The following ADAM12 variants were observed in gnomAD, a reference collection of about 807,000 sequenced individuals.
ADAM12 encodes disintegrin and metalloproteinase domain-containing protein 12.
A neutral mutation model predicts 106.4 loss-of-function variants in ADAM12; 70 were observed. The observed-to-expected ratio is 0.66, with a 90% CI of 0.54 to 0.80. The LOEUF is 0.80. ADAM12 is among the 30% of genes least tolerant of loss of function. The pLI is 0.00. For missense variants in ADAM12, 1,010 were observed against 1,171.9 expected (o/e 0.86, Z 2.02); for synonymous variants, 420 against 433.5 (o/e 0.97, Z 0.39).
chr10:126,031,309 C>T (rs1161130973), intron 21 of ADAM12, among the ~76,000 whole-genome samples: 1 of 152,208 alleles, frequency 6.6e-6, no homozygotes, highest in African/African-American at 2.4e-5. Context: ...GAGCAAGGAC[C>T]TAATCCCCAG....
intron 3 of ADAM12, among the ~76,000 whole-genome samples, chr10:126,185,395 C>T (rs777718129): frequency 2.0e-5 from 3 of 152,082 alleles, no homozygotes; most frequent in Non-Finnish European, 4.4e-5. Context: ...CTTAGAGGGG[C>T]AAATGACAGC....
intron 5 of ADAM12, among the ~76,000 whole-genome samples, chr10:126,119,408 G>C (rs1240629870): frequency 6.6e-6 from 1 of 152,210 alleles, no homozygotes; most frequent in Non-Finnish European, 1.5e-5. Context: ...CAGTGCTTGA[G>C]AGATGGTAGC....
At chr10:126,373,239 C>G (rs1361680445) in intron 1 of ADAM12, among the ~76,000 whole-genome samples, 1 of 152,314 alleles carries the variant, frequency 6.6e-6, no homozygotes, top group East Asian at 1.9e-4. Flanking sequence ...GACTGGAATT[C>G]TGTTGACACC....
intron 3 of ADAM12, among the ~76,000 whole-genome samples, chr10:126,169,077 A>G (rs1957074421): frequency 6.6e-6 from 1 of 151,966 alleles, no homozygotes; most frequent in Non-Finnish European, 1.5e-5. Context: ...AAAGCAAAAA[A>G]CACATTCCTT....
intron 3 of ADAM12, among the ~76,000 whole-genome samples, chr10:126,257,279 T>C (rs1282817073): frequency 6.6e-6 from 1 of 152,224 alleles, no homozygotes; most frequent in East Asian, 1.9e-4. Context: ...ACACCAGGTA[T>C]GCCCAATCCT....
chr10:126,136,169 G>T (rs931976347), intron 4 of ADAM12, among the ~76,000 whole-genome samples: 1 of 152,140 alleles, frequency 6.6e-6, no homozygotes, highest in African/African-American at 2.4e-5. Context: ...AGAGCTGAAA[G>T]TCTATCTCGG....
chr10:126,109,937 A>G, intron 6 of ADAM12, 97 bp from the exon 7 acceptor site: 1 of 1,184,426 alleles, frequency 8.4e-7, no homozygotes, highest in East Asian at 2.4e-5. Flanking sequence ...TTGAGAATGT[A>G]TATCCCCCAT....
At chr10:126,322,547 C>A (rs534188658) in intron 2 of ADAM12, among the ~76,000 whole-genome samples, 1 of 152,198 alleles carries the variant, frequency 6.6e-6, no homozygotes. Context: ...GTGCCCTCCC[C>A]CCACACACAG....
rs554538344 is a variant in ADAM12 at position 126,316,504 on chromosome 10, A to G, written c.186+13908T>C. On this transcript the variant is annotated intron_variant, in intron 2 of 22. Transcript: ENST00000448723. ...CCAAGTTGCGCAGGGCTCAATTTAC[A>G]TGGCTATACATGTAAATTGATGAAA... 1.1e-4 allele frequency among the ~76,000 whole-genome samples: 16 copies of G among 152,158 alleles called. No individual in the cohort carries two copies. The South Asian group carries it at 3.1e-3, about 30-fold the overall frequency.
chr10:126,354,407 G>C, intron 1 of ADAM12, among the ~76,000 whole-genome samples: 1 of 151,946 alleles, frequency 6.6e-6, no homozygotes, highest in Non-Finnish European at 1.5e-5. Context: ...AGGGGGATGA[G>C]AGGATTCAGA....
chr10:126,250,052 A>G (rs1958714724), intron 3 of ADAM12, among the ~76,000 whole-genome samples: 1 of 152,194 alleles, frequency 6.6e-6, no homozygotes, highest in Non-Finnish European at 1.5e-5. Context: ...AATCTGGTGC[A>G]TGGCTAGATT....
chr10:126,108,768 G>GTGGA, intron 7 of ADAM12, 104 bp from the exon 8 acceptor site: 3 of 1,027,866 alleles, frequency 2.9e-6, no homozygotes, highest in Non-Finnish European at 4.5e-6. Context: ...ACAAACCACT[G>GTGGA]GGGACCCTCC....
Position 126,012,652 on chromosome 10 carries a change from T to C in ADAM12, c.*4627A>G, listed in dbSNP as rs1221882091. 1 of 152,172 alleles carries C rather than the reference T, an allele frequency of 6.6e-6. No homozygotes were observed. Among genetic ancestry groups the C allele is most frequent in the Non-Finnish European group, 1.5e-5 (1 of 68,036 alleles). 9.4% of individuals were successfully genotyped at this position (152,172 alleles called of 1,614,324 possible). On this transcript the variant is annotated 3_prime_UTR_variant, in exon 23 of 23. Coordinates refer to ENST00000448723, the MANE Select transcript of ADAM12 (RefSeq NM_001288973.2). Reference sequence around the variant, plus strand: ...CAGCCTATAGCCAAGTTTTAAAGAGTTACAGGAACAACTGCTACACATTCA... The same window carrying C: ...CAGCCTATAGCCAAGTTTTAAAGAGCTACAGGAACAACTGCTACACATTCA...
At chr10:126,349,181 T>G (rs1229175378) in intron 1 of ADAM12, among the ~76,000 whole-genome samples, 1 of 152,214 alleles carries the variant, frequency 6.6e-6, no homozygotes, top group African/African-American at 2.4e-5. Context: ...CTATGCTCAC[T>G]GGAGAACACA....
At chr10:126,193,260 A>G (rs1277180300) in intron 3 of ADAM12, among the ~76,000 whole-genome samples, 5 of 105,394 alleles carry the variant, frequency 4.7e-5, no homozygotes, top group African/African-American at 2.0e-4. Flanking sequence ...GCGAGACTCC[A>G]TCTCAAAAAA....
intron 3 of ADAM12, among the ~76,000 whole-genome samples, chr10:126,243,497 G>A (rs1453891886): frequency 2.6e-5 from 4 of 151,498 alleles, no homozygotes; most frequent in South Asian, 4.2e-4. Flanking sequence ...GTATGTGTGT[G>A]TGTGTGTGTG....
chr10:126,361,855 T>C (rs1234185759), intron 1 of ADAM12, among the ~76,000 whole-genome samples: 3 of 152,126 alleles, frequency 2.0e-5, no homozygotes, highest in Non-Finnish European at 2.9e-5. Context: ...AAAGAAAATC[T>C]ACATGATGTT....
At chr10:126,090,625 T>G (rs1419671477) in intron 11 of ADAM12, 2 of 152,120 alleles carry the variant, frequency 1.3e-5, no homozygotes, top group African/African-American at 4.8e-5. Flanking sequence ...AAACACACAC[T>G]CTTACACACA....
At chr10:126,376,077 T>C (rs192452733) in intron 1 of ADAM12, among the ~76,000 whole-genome samples, 96 of 151,728 alleles carry the variant, frequency 6.3e-4, no homozygotes, top group African/African-American at 2.2e-3. Context: ...GTAATGGATA[T>C]GCTACCCAAT....
Sources: allele counts gnomAD v4.1 joint callset (sites outside exome capture counted in the v4.1 genomes callset), GRCh38; gene constraint gnomAD v4.1.1; transcripts MANE v1.5; gene names NCBI Gene and HGNC (gene_info 2026-07-23, HGNC 2026-07-21).